The following LRRC7 variants were observed in gnomAD, a reference collection of about 807,000 sequenced individuals.
The protein encoded by LRRC7 is leucine rich repeat containing 7.
Under a neutral mutation model 175.7 loss-of-function variants are expected in LRRC7, and 23 were observed. The ratio of observed to expected loss-of-function variants is 0.13; its 90% CI spans 0.09 to 0.19. The LOEUF (loss-of-function observed/expected upper bound fraction) is 0.19. Ranked by LOEUF, LRRC7 falls within the 10% of genes least tolerant of loss-of-function variation. LRRC7 has a pLI of 1.00. For missense variants in LRRC7, 1,354 were observed against 1,904.7 expected (o/e 0.71, Z 5.38); for synonymous variants, 685 against 680.9 (o/e 1.01, Z -0.09).
At chr1:70,083,269 T>A (rs1186261432) in intron 24 of LRRC7, among the ~76,000 whole-genome samples, 1 of 152,208 alleles carries the variant, frequency 6.6e-6, no homozygotes, top group Non-Finnish European at 1.5e-5. Context: ...TTCATGGGCT[T>A]ATCAGAAATT....
intron 21 of LRRC7, 63 bp from the exon 22 acceptor site, chr1:70,043,891 G>T: frequency 6.6e-7 from 1 of 1,507,138 alleles, no homozygotes; most frequent in South Asian, 1.3e-5. Flanking sequence ...ACATGTTCAT[G>T]TAATTTATCA....
At chr1:69,892,890 A>T (rs773604364) in intron 7 of LRRC7, among the ~76,000 whole-genome samples, 1 of 152,176 alleles carries the variant, frequency 6.6e-6, no homozygotes, top group African/African-American at 2.4e-5. Flanking sequence ...TACAGAGTAT[A>T]GTTTTGCTTG....
chr1:69,787,602 T>C (rs932942417), intron 3 of LRRC7, among the ~76,000 whole-genome samples: 1 of 152,234 alleles, frequency 6.6e-6, no homozygotes, highest in African/African-American at 2.4e-5. Context: ...GGCTTGGGGC[T>C]TGCACCCTCT....
intron 7 of LRRC7, among the ~76,000 whole-genome samples, chr1:69,918,917 T>A (rs1427623510): frequency 6.6e-6 from 1 of 152,144 alleles, no homozygotes; most frequent in East Asian, 1.9e-4. Flanking sequence ...TTGTTGCCCA[T>A]TCAAAAGACT....
intron 7 of LRRC7, among the ~76,000 whole-genome samples, chr1:69,888,511 C>A (rs1645727484): frequency 6.6e-6 from 1 of 152,156 alleles, no homozygotes; most frequent in African/African-American, 2.4e-5. Flanking sequence ...CCTGCACCCA[C>A]TGTCTGGCAC....
At chr1:70,077,525 C>T (rs1184250541) in intron 24 of LRRC7, among the ~76,000 whole-genome samples, 2 of 152,124 alleles carry the variant, frequency 1.3e-5, no homozygotes, top group Admixed American at 6.5e-5. Flanking sequence ...TATCATAACT[C>T]AAACCAGTTC....
At chr1:69,694,282 A>AT (rs1294668416) in intron 2 of LRRC7, among the ~76,000 whole-genome samples, 1 of 151,928 alleles carries the variant, frequency 6.6e-6, no homozygotes, top group Non-Finnish European at 1.5e-5. Context: ...AATGCTTTAA[A>AT]TTTTTTTTAT....
intron 25 of LRRC7, among the ~76,000 whole-genome samples, chr1:70,093,335 T>C (rs985900874): frequency 2.0e-5 from 3 of 152,306 alleles, no homozygotes; most frequent in Non-Finnish European, 4.4e-5. Flanking sequence ...TATGAATTTA[T>C]GTGATCTTCA....
At chr1:69,768,804 A>C (rs1402092912) in intron 3 of LRRC7, among the ~76,000 whole-genome samples, 2 of 152,172 alleles carry the variant, frequency 1.3e-5, no homozygotes, top group Non-Finnish European at 2.9e-5. Flanking sequence ...CCAGGACCTA[A>C]TACAACACAC....
chr1:70,027,439 T>C (rs1422708233), intron 17 of LRRC7, among the ~76,000 whole-genome samples: 4 of 152,136 alleles, frequency 2.6e-5, no homozygotes, highest in African/African-American at 7.2e-5. Context: ...TGGAAATAAG[T>C]AGCTGGATAG....
intron 7 of LRRC7, among the ~76,000 whole-genome samples, chr1:69,913,504 G>A (rs1181373993): frequency 6.6e-6 from 1 of 151,912 alleles, no homozygotes; most frequent in Non-Finnish European, 1.5e-5. Context: ...TGTTCCAGAA[G>A]TTTCCTTTTT....
At chr1:69,826,083 G>A (rs1388088084) in intron 5 of LRRC7, among the ~76,000 whole-genome samples, 1 of 152,090 alleles carries the variant, frequency 6.6e-6, no homozygotes, top group African/African-American at 2.4e-5. Context: ...ACAGCTCTCA[G>A]GTAACACTCC....
chr1:70,062,143 C>T (rs113081545), intron 23 of LRRC7, among the ~76,000 whole-genome samples: 16 of 152,138 alleles, frequency 1.1e-4, no homozygotes, highest in Non-Finnish European at 2.4e-4. Flanking sequence ...TATATTAAGA[C>T]ACCCCTTTAC....
chr1:69,659,494 C>A lies in LRRC7; in HGVS notation c.3-18887C>A, dbSNP rs1293694666. Among the ~76,000 whole-genome samples the A allele has an allele frequency of 6.8e-5, 10 of 147,164 alleles. 1 individual carries two copies. Among genetic ancestry groups the A allele is most frequent in the Non-Finnish European group, 1.3e-4 (9 of 66,838 alleles). On this transcript the variant is annotated intron_variant, in intron 1 of 26. Coordinates refer to ENST00000651989, the MANE Select transcript of LRRC7 (RefSeq NM_001370785.2). Reference sequence around the variant, plus strand: ...GAAACTGAAGAACACCAAAAACAAACAAGACCTTAAACAATCAGCCAAAAA... The same window carrying A: ...GAAACTGAAGAACACCAAAAACAAAAAAGACCTTAAACAATCAGCCAAAAA...
At chr1:70,096,911 T>C (rs183466329) in intron 25 of LRRC7, among the ~76,000 whole-genome samples, 69 of 152,298 alleles carry the variant, frequency 4.5e-4, no homozygotes, top group African/African-American at 1.6e-3. Context: ...CTGATTCTGC[T>C]GAATGTGAAC....
Position 69,889,284 on chromosome 1 carries a change from A to G in LRRC7, c.648-42223A>G, listed in dbSNP as rs1645758286. On this transcript the variant is annotated intron_variant, in intron 7 of 26. Coordinates refer to ENST00000651989, the MANE Select transcript of LRRC7 (RefSeq NM_001370785.2). Reference sequence around the variant, plus strand: ...GCTGCATTGATTGACTCTTCCTTTCATGAAAGATTTCTCTAGAACATCTTT... The same window carrying G: ...GCTGCATTGATTGACTCTTCCTTTCGTGAAAGATTTCTCTAGAACATCTTT... Among the ~76,000 whole-genome samples the G allele has an allele frequency of 2.0e-5, 3 of 152,168 alleles. No homozygotes were observed. In the South Asian group the frequency reaches 6.2e-4, roughly 32 times the overall value.
intron 7 of LRRC7, among the ~76,000 whole-genome samples, chr1:69,891,300 C>T (rs1237834706): frequency 1.3e-5 from 2 of 152,092 alleles, no homozygotes; most frequent in African/African-American, 4.8e-5. Flanking sequence ...AATAGAGATC[C>T]CAAGGAGAGG....
At position 70,134,973 on chromosome 1, in the gene LRRC7, C is replaced by T. The variant is rs1472119737; in HGVS notation, c.*13086C>T. ...TTTTATTCCTTCTATTTTCCATAAC[C>T]TTTTAATGATAGGTTTAGTTGTAAA... On this transcript the variant is annotated 3_prime_UTR_variant, in exon 27 of 27. Transcript: ENST00000651989. Among the ~76,000 whole-genome samples the T allele has an allele frequency of 6.6e-6, 1 of 152,104 alleles. No homozygotes were observed. Among genetic ancestry groups the T allele is most frequent in the Non-Finnish European group, 1.5e-5 (1 of 68,018 alleles).
At position 70,136,772 on chromosome 1, in the gene LRRC7, C is replaced by T. The variant is rs963390844; in HGVS notation, c.*14885C>T. Among the ~76,000 whole-genome samples, 3 of 143,616 alleles carry T rather than the reference C, an allele frequency of 2.1e-5. No homozygotes were observed. The highest frequency in any genetic ancestry group is 5.3e-5 in the African/African-American group (2 of 37,834). 94.2% of individuals were successfully genotyped at this position (143,616 alleles called of 152,430 possible). The stretch of plus-strand genomic sequence containing the variant: ...TGAGACAGGGTCTTGCTCTGTCACC[C>T]AGGTTGGAGTGCAGTGGCATGATCA... On this transcript the variant is annotated 3_prime_UTR_variant, in exon 27 of 27. Coordinates refer to ENST00000651989, the MANE Select transcript of LRRC7 (RefSeq NM_001370785.2).
Sources: gnomAD v4.1 joint callset for allele counts (sites outside exome capture counted in the v4.1 genomes callset) on GRCh38, gnomAD v4.1.1 for gene constraint, MANE v1.5 for transcripts, NCBI Gene and HGNC (gene_info 2026-07-23, HGNC 2026-07-21) for gene names.